The following SLX4 variants were observed in gnomAD, a reference collection of about 807,000 sequenced individuals.
SLX4 encodes structure-specific endonuclease subunit SLX4.
Under a neutral mutation model 146.2 loss-of-function variants are expected in SLX4, and 112 were observed. That is an observed-to-expected ratio of 0.77 (90% CI 0.66 to 0.90). The LOEUF (loss-of-function observed/expected upper bound fraction) is 0.90. Ranked by LOEUF, SLX4 falls within the 40% of genes least tolerant of loss-of-function variation. The pLI is 0.00. For missense variants in SLX4, 2,563 were observed against 2,392.7 expected, an observed-to-expected ratio of 1.07 and a Z score of -1.49; for synonymous variants, 1,061 against 997.7, an observed-to-expected ratio of 1.06 and a Z score of -1.20.
intron 4 of SLX4, 172 bp from the exon 5 acceptor site, chr16:3,601,363 T>G: frequency 1.5e-6 from 1 of 670,846 alleles, no homozygotes; most frequent in Non-Finnish European, 2.6e-6. Context: ...GACACTACAC[T>G]TAGGTATCTG....
chr16:3,583,252 T>C lies in SLX4; in HGVS notation c.4998A>G (p.Arg1666=). 1 of 1,614,190 alleles carries C rather than the reference T, an allele frequency of 6.2e-7. No homozygotes were observed. The highest frequency in any genetic ancestry group is 1.3e-5 in the African/African-American group (1 of 75,052). Residue 1666 remains arginine, a synonymous_variant, in exon 14 of 15, where the codon CGA becomes CGG. Coordinates refer to ENST00000294008, the MANE Select transcript of SLX4 (RefSeq NM_032444.4). ...PKGPAKTKGP[R]HQRKHHESIT... is the part of the protein sequence containing the mutation. ...TGCTTTCATGATGCTTCCTTTGATG[T>C]CGGGGGCCCTTGGTCTTAGCAGGTC...
chr16:3,592,565 T>C (rs1204319244), intron 11 of SLX4, 134 bp downstream of exon 11: 2 of 1,079,314 alleles, frequency 1.9e-6, no homozygotes, highest in Non-Finnish European at 2.7e-6. Context: ...GTCATGGACT[T>C]GGGATTAAAA....
Position 3,602,293 on chromosome 16 carries a change from G to T in SLX4, c.775C>A (p.Pro259Thr), listed in dbSNP as rs779825760. 19 of 1,613,950 alleles carry T rather than the reference G, an allele frequency of 1.2e-5. No homozygotes were observed. The highest frequency in any genetic ancestry group is 1.6e-5 in the Non-Finnish European group (19 of 1,180,030). Residue 259 changes from proline to threonine, a missense_variant, in exon 4 of 15, where the codon CCC becomes ACC. Transcript: ENST00000294008. The part of the protein sequence containing the change: ...MMAGNVYGLG[P>T]PAPESDAAVA... ...GCAGCGTCGCTCTCTGGGGCAGGGG[G>T]CCCAAGCCCATACACTGTGGAGAAG... is the stretch of plus-strand genomic sequence containing the variant.
At chr16:3,586,412 T>A (rs2040508945) in intron 12 of SLX4, among the ~76,000 whole-genome samples, 1 of 151,714 alleles carries the variant, frequency 6.6e-6, no homozygotes, top group African/African-American at 2.4e-5. Flanking sequence ...TCCCAGCTAC[T>A]CAGGAGGTTG....
Position 3,608,718 on chromosome 16 carries a change from C to T in SLX4, c.247G>A (p.Gly83Ser), listed in dbSNP as rs200319106. ...ERKTQKAASN[G>S]TQIRSKLKRT... ...TTCAATTTGCTTCTTATCTGAGTGC[C>T]GTTTGAGGCAGCCTTTTGTGTCTTC... The change falls in exon 2 of 15, where the codon GGC becomes AGC. Residue 83 changes from glycine to serine, a missense_variant. By Grantham distance (56) the Gly-to-Ser change is moderately conservative (BLOSUM62 0). Transcript: ENST00000294008. 8.1e-6 allele frequency: 13 copies of T among 1,614,158 alleles called. No individual in the cohort carries two copies. Among genetic ancestry groups the T allele is most frequent in the Admixed American group, 5.0e-5 (3 of 60,004 alleles).
At chr16:3,593,955 T>C (rs2151128003) in intron 10 of SLX4, among the ~76,000 whole-genome samples, 1 of 152,286 alleles carries the variant, frequency 6.6e-6, no homozygotes. Context: ...CATTGGAAGC[T>C]CCGCCTCCCA....
intron 9 of SLX4, among the ~76,000 whole-genome samples, 191 bp downstream of exon 9, chr16:3,595,414 C>G (rs570428691): frequency 4.0e-4 from 61 of 152,298 alleles, no homozygotes; most frequent in African/African-American, 1.3e-3. Flanking sequence ...CCCAGAGGGG[C>G]GCTGAGGTGG....
rs936127000 is a variant in SLX4, at chr16:3,589,767, T to C, written c.3871A>G (p.Thr1291Ala). Residue 1291 changes from threonine (T) to alanine (A), a missense_variant, in exon 12 of 15, where the codon ACG (threonine) becomes GCG (alanine). Physicochemically the swap from Thr to Ala is moderately conservative, Grantham distance 58. Transcript: ENST00000294008. The surrounding 1 kb of genome is among the most constrained non-coding windows in gnomAD (Gnocchi z 6.2). ...CTGTTTCCTACTGAGGCCCTGGGCG[T>C]GTGCTGAGTCACCGCCTGCACGGCC... Reference protein sequence around the residue: ...GLAVQAVTQHTPRASVGNREG... With the variant: ...GLAVQAVTQHAPRASVGNREG... The C allele has an allele frequency of 6.2e-7, 1 of 1,613,602 alleles. No homozygotes were observed. The highest frequency in any genetic ancestry group is 8.5e-7 in the Non-Finnish European group (1 of 1,180,038).
intron 12 of SLX4, among the ~76,000 whole-genome samples, chr16:3,588,157 A>G (rs1379213818): frequency 6.6e-6 from 1 of 152,184 alleles, no homozygotes; most frequent in Non-Finnish European, 1.5e-5. Flanking sequence ...ATGTTGTACA[A>G]CCATCACCTC....
Position 3,597,522 on chromosome 16 carries a change from C to G in SLX4, c.1540G>C (p.Glu514Gln). 1 of 1,614,152 alleles carries G rather than the reference C, an allele frequency of 6.2e-7. No homozygotes were observed. The highest frequency in any genetic ancestry group is 8.5e-7 in the Non-Finnish European group (1 of 1,180,036). The change falls in exon 7 of 15, where the codon GAA becomes CAA. Residue 514 changes from glutamate (E) to glutamine (Q), a missense_variant. By Grantham distance (29) the Glu-to-Gln change is conservative. Coordinates refer to ENST00000294008, the MANE Select transcript of SLX4 (RefSeq NM_032444.4). The surrounding 1 kb of genome is among the most constrained non-coding windows in gnomAD (Gnocchi z 4.4). Reference protein sequence around the residue: ...PASRILKEGWERAGQCPPPPE... With the variant: ...PASRILKEGWQRAGQCPPPPE... ...GGAGGAGGACACTGGCCCGCTCTTT[C>G]CCACCCTTCCTTTAAAATCCTGCTG...
rs2040644510 is a variant in SLX4 at position 3,595,704 on chromosome 16, G to GATTC, written c.1925-15_1925-12dup. The stretch of plus-strand genomic sequence containing the variant: ...GCACCACGTCCAACCCTGAGTGGAG[G>GATTC]ATTCACAGGTTAAAGGAACGTCACA... On this transcript the variant is annotated splice_polypyrimidine_tract_variant and intron_variant, in intron 8 of 14. Coordinates refer to ENST00000294008, the MANE Select transcript of SLX4 (RefSeq NM_032444.4). The GATTC allele has an allele frequency of 6.2e-7, 1 of 1,613,888 alleles. No individual in the cohort carries two copies. Among genetic ancestry groups the GATTC allele is most frequent in the Non-Finnish European group, 8.5e-7 (1 of 1,179,958 alleles).
rs372449620 is a variant in SLX4 at position 3,608,520 on chromosome 16, C to G, written c.445G>C (p.Asp149His). 6.2e-7 allele frequency: 1 copy of G among 1,614,176 alleles called. No homozygotes were observed. The highest frequency in any genetic ancestry group is 2.2e-5 in the East Asian group (1 of 44,880). ...GCTGTTTCCCGGAGCACAGGTGGAT[C>G]TGGAGCAGAGGCAAGCACACCCCCC... is the stretch of plus-strand genomic sequence containing the variant. ...GEGGVLASAP[D>H]PPVLRETAQN... The change falls in exon 2 of 15, where the codon GAT becomes CAT. Residue 149 changes from aspartate (D) to histidine (H), a missense_variant. Transcript: ENST00000294008.
At chr16:3,599,815 G>A (rs963918528) in intron 5 of SLX4, among the ~76,000 whole-genome samples, 1 of 152,100 alleles carries the variant, frequency 6.6e-6, no homozygotes, top group Non-Finnish European at 1.5e-5. Flanking sequence ...TGAACTCCTG[G>A]GCTCAAGTGA....
Position 3,589,558 on chromosome 16 carries a change from A to T in SLX4, c.4080T>A (p.His1360Gln). 6.2e-7 allele frequency: 1 copy of T among 1,612,502 alleles called. No individual in the cohort carries two copies. The highest frequency in any genetic ancestry group is 8.5e-7 in the Non-Finnish European group (1 of 1,179,378). Residue 1360 changes from histidine (H) to glutamine (Q), a missense_variant, in exon 12 of 15, where the codon CAT becomes CAA. Physicochemically the swap from His to Gln is conservative, Grantham distance 24. Coordinates refer to ENST00000294008, the MANE Select transcript of SLX4 (RefSeq NM_032444.4). This position sits in a 1 kb window ranked among gnomAD's most constrained non-coding sequence, Gnocchi z 6.2. ...GHPHSSPLAPHPISGDRAHFS... is the reference protein window; with the variant it reads ...GHPHSSPLAPQPISGDRAHFS... ...AGTGGGCGCGGTCCCCTGAGATGGG[A>T]TGTGGAGCCAGCGGAGAGGAGTGCG...
intron 4 of SLX4, chr16:3,601,422 T>C (rs937437245): frequency 5.3e-6 from 3 of 567,308 alleles, no homozygotes; most frequent in Admixed American, 2.9e-5. Context: ...TGCAGTTACA[T>C]GATGACTTAG....
At chr16:3,582,836 T>C (rs780202042) in intron 14 of SLX4, 143 bp from the exon 15 acceptor site, 8 of 890,778 alleles carry the variant, frequency 9.0e-6, no homozygotes, top group South Asian at 2.8e-5. Context: ...AGGACGGGCC[T>C]GAGAGATCCC....
rs377185661 is a variant in SLX4 at position 3,584,805 on chromosome 16, A to G, written c.4703T>C (p.Ile1568Thr). ...CTTCTTCAGCACCGGCGTCTCCATA[A>G]TGGAATACTGTGGCATCGGCGTTAT... ...VPITPMPQYSIMETPVLKKEL... is the reference protein window; with the variant it reads ...VPITPMPQYSTMETPVLKKEL... The change falls in exon 13 of 15, where the codon ATT (isoleucine) becomes ACT (threonine). Residue 1568 changes from isoleucine (I) to threonine (T), a missense_variant. Physicochemically the swap from Ile to Thr is moderately conservative, Grantham distance 89. Transcript: ENST00000294008. 3.7e-6 allele frequency: 6 copies of G among 1,614,140 alleles called. No individual in the cohort carries two copies. The highest frequency in any genetic ancestry group is 5.1e-6 in the Non-Finnish European group (6 of 1,179,974).
chr16:3,594,139 T>A (rs2040623460), intron 10 of SLX4, among the ~76,000 whole-genome samples: 2 of 152,146 alleles, frequency 1.3e-5, no homozygotes, highest in African/African-American at 2.4e-5. Flanking sequence ...AGTGCTGGAA[T>A]TACAGGCGTG....
At position 3,608,314 on chromosome 16, in the gene SLX4, G is replaced by C; in HGVS notation, c.535+116C>G. 4.6e-6 allele frequency: 5 copies of C among 1,077,412 alleles called. No homozygotes were observed. In the South Asian group the frequency reaches 6.4e-5, roughly 14 times the overall value. 66.7% of individuals were successfully genotyped at this position (1,077,412 alleles called of 1,614,324 possible). On this transcript the variant is annotated intron_variant, in intron 2 of 14. Coordinates refer to ENST00000294008, the MANE Select transcript of SLX4 (RefSeq NM_032444.4). ...TTGTCCACGCCTGCTTTCTCACTAT[G>C]ACAGCAGAGTTGAGTAGTTGTGACA...
Sources: gnomAD v4.1 joint callset for allele counts (sites outside exome capture counted in the v4.1 genomes callset) on GRCh38, gnomAD v4.1.1 for gene constraint, Gnocchi (gnomAD v3.1) non-coding constraint, MANE v1.5 for transcripts, NCBI Gene and HGNC (gene_info 2026-07-23, HGNC 2026-07-21) for gene names.